TNS1: variants seen among roughly 807,000 people sequenced by gnomAD.
The protein encoded by TNS1 is tensin 1.
Under a neutral mutation model 168.6 loss-of-function variants are expected in TNS1, and 62 were observed. That is an observed-to-expected ratio of 0.37 (90% CI 0.30 to 0.45). TNS1 has a LOEUF of 0.45. TNS1 is among the 20% of genes least tolerant of loss of function. The pLI is 1.00. For synonymous variants in TNS1, 934 were observed against 933.2 expected (o/e 1.00, Z -0.02); for missense variants, 2,240 against 2,339.4 (o/e 0.96, Z 0.88).
At chr2:217,926,813 A>T (rs1199272090) in intron 3 of TNS1, among the ~76,000 whole-genome samples, 5 of 152,246 alleles carry the variant, frequency 3.3e-5, no homozygotes, top group African/African-American at 4.8e-5. Flanking sequence ...CAATTCTGCC[A>T]GACCAGAGAA....
chr2:217,852,404 C>A (rs1367045199), intron 18 of TNS1, among the ~76,000 whole-genome samples: 2 of 152,212 alleles, frequency 1.3e-5, no homozygotes, highest in African/African-American at 4.8e-5. Context: ...TCCCCTCCAT[C>A]CTTTGTGCCT....
intron 3 of TNS1, among the ~76,000 whole-genome samples, chr2:217,958,839 C>T (rs968898860): frequency 6.6e-6 from 1 of 152,182 alleles, no homozygotes. Flanking sequence ...AGAAGGCTTC[C>T]TCCTTGCCCA....
intron 18 of TNS1, among the ~76,000 whole-genome samples, chr2:217,857,763 C>T (rs755222598): frequency 3.9e-5 from 6 of 152,208 alleles, no homozygotes; most frequent in Non-Finnish European, 5.9e-5. Flanking sequence ...CTCCTGACTC[C>T]GGCCTGGCCT....
chr2:217,884,888 C>G lies in TNS1; in HGVS notation c.1246+147G>C, dbSNP rs533847835. ...CCAATCTCAACTCTCTCCCAAGTCT[C>G]TCTCAACTCTCTCCTACCATCACCC... On this transcript the variant is annotated intron_variant, in intron 16 of 32. Coordinates refer to ENST00000682258, the MANE Select transcript of TNS1 (RefSeq NM_001387777.1). 3,511 of 1,011,262 alleles carry G rather than the reference C, an allele frequency of 3.5e-3. 15 individuals are homozygous for G. The highest frequency in any genetic ancestry group is 7.8e-3 in the Middle Eastern group (36 of 4,604). 62.6% of individuals were successfully genotyped at this position (1,011,262 alleles called of 1,614,324 possible).
chr2:217,807,613 G>A (rs527768740), intron 32 of TNS1, among the ~76,000 whole-genome samples: 1 of 152,306 alleles, frequency 6.6e-6, no homozygotes, highest in African/African-American at 2.4e-5. Context: ...CCACCCGAAG[G>A]TCCCAGGGCC....
At chr2:218,014,895 G>A (rs1000240794), upstream of TNS1, among the ~76,000 whole-genome samples, 2 of 150,602 alleles carry the variant, frequency 1.3e-5, no homozygotes, top group Non-Finnish European at 3.0e-5. Flanking sequence ...AAGGAAGGAA[G>A]GAAGGAAGGA....
At position 217,859,464 on chromosome 2, in the gene TNS1, G is replaced by A. The variant is rs889786389; in HGVS notation, c.1430-10377C>T. 4 of 609,950 alleles carry A rather than the reference G, an allele frequency of 6.6e-6. No individual in the cohort carries two copies. The Admixed American group carries it at 8.1e-5, about 12-fold the overall frequency. The allele number at this position is 609,950 out of a possible 1,614,324, so 37.8% of individuals were successfully genotyped here. A position where few individuals can be genotyped will look rare whatever the true frequency, so the allele number is the denominator to read the frequency against. ...CCCACAGGGTCCTGCACTTCCCAGA[G>A]GTGAACACAGGACCTGAATAGAAGG... On this transcript the variant is annotated intron_variant, in intron 18 of 32. Coordinates refer to ENST00000682258, the MANE Select transcript of TNS1 (RefSeq NM_001387777.1).
rs756423839 is a variant in TNS1 at position 217,818,141 on chromosome 2, G to A, written c.4191C>T (p.Ala1397=). Residue 1397 remains alanine (A), a synonymous_variant, in exon 24 of 33, where the codon GCC becomes GCT. Transcript: ENST00000682258. ...GGCCCAGGCTGGGGCTTCCAGGGCTGGCTATTGCATTGCTATGAAGACCGG... is the reference window on the plus strand; with the variant it reads ...GGCCCAGGCTGGGGCTTCCAGGGCTAGCTATTGCATTGCTATGAAGACCGG... ...LASGLHSNAI[A]SPGSPSLGRH... 3 of 1,613,906 alleles carry A rather than the reference G, an allele frequency of 1.9e-6. No homozygotes were observed. Among genetic ancestry groups the A allele is most frequent in the Non-Finnish European group, 2.5e-6 (3 of 1,179,972 alleles).
chr2:217,831,274 G>GA (rs1944384490), intron 22 of TNS1, among the ~76,000 whole-genome samples, 181 bp downstream of exon 22: 1 of 152,160 alleles, frequency 6.6e-6, no homozygotes, highest in Admixed American at 6.5e-5. Context: ...CAACAGACAG[G>GA]AAGGCTGCAA....
rs1950591017 is a variant in TNS1, at chr2:217,880,633, C to A, written c.1429+265G>T. ...GAGAACTCACTGTCCACGGAACTTA[C>A]TTGGCTGTAGCAACACACTTCCACG... is the stretch of plus-strand genomic sequence containing the variant. On this transcript the variant is annotated intron_variant, in intron 18 of 32. Coordinates refer to ENST00000682258, the MANE Select transcript of TNS1 (RefSeq NM_001387777.1). The surrounding 1 kb of genome is among the most constrained non-coding windows in gnomAD (Gnocchi z 4.2). 1.3e-5 allele frequency among the ~76,000 whole-genome samples: 2 copies of A among 151,220 alleles called. No individual in the cohort carries two copies. The highest frequency in any genetic ancestry group is 2.9e-5 in the Non-Finnish European group (2 of 68,044).
At chr2:217,892,612 T>G (rs756718131) in intron 11 of TNS1, among the ~76,000 whole-genome samples, 4 of 152,190 alleles carry the variant, frequency 2.6e-5, no homozygotes, top group South Asian at 2.1e-4. Flanking sequence ...CGACATTTCT[T>G]TCTGACTCCC....
intron 3 of TNS1, among the ~76,000 whole-genome samples, chr2:217,922,046 C>G (rs1463867657): frequency 6.6e-6 from 1 of 152,178 alleles, no homozygotes; most frequent in Non-Finnish European, 1.5e-5. Context: ...AACAGAACTG[C>G]CCCCAGAAGC....
chr2:217,966,314 C>T (rs77164941), intron 3 of TNS1, among the ~76,000 whole-genome samples: 5,308 of 140,736 alleles, frequency 0.038, 159 homozygotes, highest in South Asian at 0.085. Flanking sequence ...TGTGTGCGCG[C>T]GCGCGCGTGT....
In TNS1 at chr2:217,809,914, C is replaced by G; in HGVS notation, c.5182G>C (p.Glu1728Gln). Residue 1728 changes from glutamate to glutamine, a missense_variant, in exon 30 of 33, where the codon GAG (glutamate) becomes CAG (glutamine). Glu to Gln is a conservative substitution (Grantham distance 29). This residue lies in a region of TNS1 where 109 missense variants were observed against 168.1 expected (regional missense o/e 0.65). Coordinates refer to ENST00000682258, the MANE Select transcript of TNS1 (RefSeq NM_001387777.1). ...GGCGTGGGGTCTGCAGCCAACGTCT[C>G]AGATGTGGCTTTAGAGATGGCCTGT... Reference protein sequence around the residue: ...GPQAISKATSETLAADPTPAA... With the variant: ...GPQAISKATSQTLAADPTPAA... The G allele has an allele frequency of 1.9e-6, 3 of 1,613,598 alleles. No individual in the cohort carries two copies. Among genetic ancestry groups the G allele is most frequent in the Non-Finnish European group, 2.5e-6 (3 of 1,179,674 alleles).
At chr2:217,952,646 C>T (rs970339120) in intron 3 of TNS1, among the ~76,000 whole-genome samples, 2 of 152,184 alleles carry the variant, frequency 1.3e-5, no homozygotes, top group Admixed American at 6.5e-5. Context: ...TTCTCCAACT[C>T]GGATGGCGTG....
At chr2:217,905,888 C>T (rs1953623335) in intron 6 of TNS1, among the ~76,000 whole-genome samples, 1 of 152,232 alleles carries the variant, frequency 6.6e-6, no homozygotes, top group Non-Finnish European at 1.5e-5. Context: ...GAACCAATAG[C>T]ATCTAAGCCA....
At chr2:217,849,134 G>T (rs769811463) in intron 18 of TNS1, 47 bp from the exon 19 acceptor site, 2 of 1,568,066 alleles carry the variant, frequency 1.3e-6, no homozygotes, top group South Asian at 2.4e-5. Flanking sequence ...ACAGACATTA[G>T]CGGGAGGCAG....
chr2:217,845,743 A>C (rs1039163513), intron 19 of TNS1, among the ~76,000 whole-genome samples: 1 of 152,190 alleles, frequency 6.6e-6, no homozygotes, highest in Non-Finnish European at 1.5e-5. Flanking sequence ...AAAGGGCTAA[A>C]AGGCAGTCCA....
At chr2:218,025,855 C>T (rs1958846274) in intron 1 of TNS1, among the ~76,000 whole-genome samples, 2 of 152,106 alleles carry the variant, frequency 1.3e-5, no homozygotes, top group Admixed American at 6.5e-5. Context: ...GACGGTCTTT[C>T]TAGATCAACT....
Sources: allele counts gnomAD v4.1 joint callset (sites outside exome capture counted in the v4.1 genomes callset), GRCh38; gene constraint gnomAD v4.1.1; regional missense constraint gnomAD v4.1.1; non-coding constraint Gnocchi (gnomAD v3.1); transcripts MANE v1.5; gene names NCBI Gene and HGNC (gene_info 2026-07-23, HGNC 2026-07-21).